Variants in MRTFA observed in about 807,000 individuals in gnomAD.
The protein encoded by MRTFA is myocardin related transcription factor A, also known as myocardin-related transcription factor A.
In MRTFA, 20 loss-of-function variants were observed where a neutral mutation model predicts 83.5. The observed-to-expected ratio is 0.24, with a 90% CI of 0.17 to 0.35. The LOEUF (loss-of-function observed/expected upper bound fraction) is 0.35, where lower values mean the gene tolerates loss of function less well. Among genes scored for constraint, MRTFA ranks in the 10% least tolerant of loss-of-function variants. MRTFA has a pLI of 1.00. For missense variants in MRTFA, 1,200 were observed against 1,224.7 expected (o/e 0.98, Z 0.30); for synonymous variants, 659 against 541.2 (o/e 1.22, Z -3.02).
At chr22:40,553,871 G>A (rs1298706424) in intron 2 of MRTFA, among the ~76,000 whole-genome samples, 1 of 152,184 alleles carries the variant, frequency 6.6e-6, no homozygotes, top group East Asian at 1.9e-4. Context: ...GCAGCCAGGG[G>A]TGAAGCCGTA....
chr22:40,573,839 G>T (rs2055831952), intron 2 of MRTFA, among the ~76,000 whole-genome samples: 1 of 152,122 alleles, frequency 6.6e-6, no homozygotes, highest in Non-Finnish European at 1.5e-5. Context: ...GGGAGGCTGA[G>T]GCAGGTGGAT....
intron 2 of MRTFA, among the ~76,000 whole-genome samples, chr22:40,570,702 G>A (rs1255211256): frequency 6.6e-6 from 1 of 151,428 alleles, no homozygotes; most frequent in Non-Finnish European, 1.5e-5. Flanking sequence ...AAGACTACGA[G>A]GAAGAGGCCA....
chr22:40,488,954 A>C (rs2054220364), intron 3 of MRTFA, among the ~76,000 whole-genome samples: 2 of 152,196 alleles, frequency 1.3e-5, no homozygotes, highest in Non-Finnish European at 2.9e-5. Context: ...TTGATGTTAG[A>C]TCTTTCATAG....
At chr22:40,413,145 A>T (rs1428688989) in intron 14 of MRTFA, among the ~76,000 whole-genome samples, 1 of 148,472 alleles carries the variant, frequency 6.7e-6, no homozygotes, top group African/African-American at 2.5e-5. Flanking sequence ...CTCAAAAAAA[A>T]AAAAAAAAAA....
rs931574588 is a variant in MRTFA at position 40,474,270 on chromosome 22, G to T, written c.242-10984C>A. Among the ~76,000 whole-genome samples, 7 of 152,122 alleles carry T rather than the reference G, an allele frequency of 4.6e-5. 1 individual carries two copies. Among genetic ancestry groups the T allele is most frequent in the Admixed American group, 3.3e-4 (5 of 15,266 alleles). On this transcript the variant is annotated intron_variant, in intron 3 of 14. Coordinates refer to ENST00000355630, the MANE Select transcript of MRTFA (RefSeq NM_020831.6). ...GACAACAAACAAATAAATTCAAGTT[G>T]TGATCAATATTTTACAGAAAAAGAA... is the stretch of plus-strand genomic sequence containing the variant.
intron 3 of MRTFA, among the ~76,000 whole-genome samples, chr22:40,499,662 AACT>A (rs1420055573): frequency 6.6e-6 from 1 of 152,234 alleles, no homozygotes; most frequent in African/African-American, 2.4e-5. Flanking sequence ...AAAATGTTTT[AACT>A]ACCTCTTAAA....
intron 3 of MRTFA, among the ~76,000 whole-genome samples, chr22:40,528,834 C>T (rs1390781267): frequency 6.6e-6 from 1 of 151,690 alleles, no homozygotes; most frequent in African/African-American, 2.4e-5. Context: ...TGAATGTGGC[C>T]CAACACAAAT....
chr22:40,492,751 C>T (rs1331347908), intron 3 of MRTFA, among the ~76,000 whole-genome samples: 1 of 151,950 alleles, frequency 6.6e-6, no homozygotes, highest in Non-Finnish European at 1.5e-5. Context: ...GGGGGAGGTA[C>T]CAAAGGAAAA....
chr22:40,534,644 G>A (rs1216299846), intron 3 of MRTFA, among the ~76,000 whole-genome samples: 1 of 152,128 alleles, frequency 6.6e-6, no homozygotes, highest in Non-Finnish European at 1.5e-5. Flanking sequence ...AAAGTGCTGG[G>A]ATTACAGGCA....
chr22:40,503,514 A>C (rs1397010270), intron 3 of MRTFA, among the ~76,000 whole-genome samples: 1 of 152,188 alleles, frequency 6.6e-6, no homozygotes, highest in African/African-American at 2.4e-5. Context: ...CCCAGCCTAT[A>C]ATGTTATTTT....
At chr22:40,500,005 C>G (rs1569298813) in intron 3 of MRTFA, among the ~76,000 whole-genome samples, 3 of 143,394 alleles carry the variant, frequency 2.1e-5, no homozygotes, top group Non-Finnish European at 1.5e-5. Context: ...CACCGGCTCA[C>G]CGCAACGTCC....
At chr22:40,475,652 G>A (rs1486432551) in intron 3 of MRTFA, among the ~76,000 whole-genome samples, 1 of 152,202 alleles carries the variant, frequency 6.6e-6, no homozygotes, top group Non-Finnish European at 1.5e-5. Context: ...GCAAATTCAA[G>A]TCTTATGTGG....
At chr22:40,457,436 G>GAGAAAGAAAGAAAGAAAGAAAGAAAGAA (rs555469044) in intron 4 of MRTFA, among the ~76,000 whole-genome samples, 7 of 119,884 alleles carry the variant, frequency 5.8e-5, no homozygotes, top group East Asian at 2.6e-4. Context: ...AAGAAAGAAA[G>GAGAAAGAAAGAAAGAAAGAAAGAAAGAA]AGAAAGAAAG....
chr22:40,489,432 T>C (rs551130273), intron 3 of MRTFA, among the ~76,000 whole-genome samples: 2 of 152,054 alleles, frequency 1.3e-5, no homozygotes, highest in African/African-American at 4.8e-5. Context: ...TCTAGCCTCC[T>C]GTGTAGCTGG....
chr22:40,612,756 C>T (rs955525595), intron 1 of MRTFA, among the ~76,000 whole-genome samples: 2 of 152,096 alleles, frequency 1.3e-5, no homozygotes, highest in African/African-American at 2.4e-5. Context: ...GATACCAGCC[C>T]GGACAACATA....
At chr22:40,461,204 C>CAAA (rs55733153) in intron 4 of MRTFA, among the ~76,000 whole-genome samples, 19 of 50,282 alleles carry the variant, frequency 3.8e-4, no homozygotes, top group African/African-American at 1.4e-3. Flanking sequence ...GAACTTGTCT[C>CAAA]AAAAAAAAAA....
chr22:40,621,124 T>C (rs1260351179), intron 1 of MRTFA, among the ~76,000 whole-genome samples: 4 of 151,292 alleles, frequency 2.6e-5, no homozygotes, highest in African/African-American at 7.3e-5. Context: ...GGAGGCTGCA[T>C]TGAGCCATGA....
chr22:40,604,823 GTGC>G (rs1444275090), intron 1 of MRTFA, among the ~76,000 whole-genome samples: 2 of 152,184 alleles, frequency 1.3e-5, no homozygotes, highest in Non-Finnish European at 2.9e-5. Flanking sequence ...CGATCACCAT[GTGC>G]TGACTTAGGC....
At chr22:40,429,482 A>G in intron 7 of MRTFA, 124 bp downstream of exon 7, 1 of 1,163,046 alleles carries the variant, frequency 8.6e-7, no homozygotes, top group Non-Finnish European at 1.3e-6. Flanking sequence ...GGTTCTCCCA[A>G]GGCTAAGCAG....
Sources: allele counts gnomAD v4.1 joint callset (sites outside exome capture counted in the v4.1 genomes callset), GRCh38; gene constraint gnomAD v4.1.1; transcripts MANE v1.5; gene names NCBI Gene and HGNC (gene_info 2026-07-23, HGNC 2026-07-21).